The following PTPRD variants were observed in gnomAD, a reference collection of about 807,000 sequenced individuals.
PTPRD encodes receptor-type tyrosine-protein phosphatase delta.
A neutral mutation model predicts 214.5 loss-of-function variants in PTPRD; 34 were observed. The ratio of observed to expected loss-of-function variants is 0.16; its 90% confidence interval spans 0.12 to 0.21. PTPRD has a LOEUF of 0.21. PTPRD is among the 10% of genes least tolerant of loss of function. The pLI is 1.00. For missense variants in PTPRD, 2,545 were observed against 2,398.7 expected, an observed-to-expected ratio of 1.06 and a Z score of -1.27; for synonymous variants, 1,128 against 845.7, an observed-to-expected ratio of 1.33 and a Z score of -5.79.
At chr9:9,508,406 T>G (rs946989320) in intron 8 of PTPRD, among the ~76,000 whole-genome samples, 4 of 151,560 alleles carry the variant, frequency 2.6e-5, no homozygotes, top group African/African-American at 7.3e-5. Context: ...ACATGGCTAT[T>G]TTTTCCATAA....
intron 8 of PTPRD, among the ~76,000 whole-genome samples, chr9:9,574,353 A>G (rs895359028): frequency 1.3e-5 from 2 of 151,970 alleles, no homozygotes; most frequent in African/African-American, 4.8e-5. Context: ...CAATTTTGAT[A>G]CATCTTGACA....
intron 2 of PTPRD, among the ~76,000 whole-genome samples, chr9:10,576,801 A>G (rs2069524988): frequency 6.6e-6 from 1 of 152,206 alleles, no homozygotes; most frequent in African/African-American, 2.4e-5. Flanking sequence ...TTACAAATAT[A>G]AAATAAACAT....
rs1018546337 is a variant in PTPRD, at chr9:9,732,236, C to A, written c.-287+2297G>T. On this transcript the variant is annotated intron_variant, in intron 7 of 45. Coordinates refer to ENST00000381196, the MANE Select transcript of PTPRD (RefSeq NM_002839.4). The stretch of plus-strand genomic sequence containing the variant: ...TTAGCTTTGAGATTTCTGGTATGTA[C>A]TGAAGAAAGATTGCTTTTGGATAAC... Among the ~76,000 whole-genome samples the A allele has an allele frequency of 3.3e-5, 5 of 151,978 alleles. 1 individual carries two copies. In the East Asian group the frequency reaches 9.7e-4, roughly 29 times the overall value.
chr9:9,961,860 C>T (rs1295848266), intron 4 of PTPRD, among the ~76,000 whole-genome samples: 1 of 152,068 alleles, frequency 6.6e-6, no homozygotes, highest in Non-Finnish European at 1.5e-5. Context: ...TCTTATTAGT[C>T]ATGGTATTAT....
chr9:9,683,801 A>T (rs919741940), intron 7 of PTPRD, among the ~76,000 whole-genome samples: 7 of 148,814 alleles, frequency 4.7e-5, no homozygotes, highest in Admixed American at 1.3e-4. Context: ...TTTATACATA[A>T]AAAATCATTT....
At chr9:9,606,457 C>T (rs991586332) in intron 7 of PTPRD, among the ~76,000 whole-genome samples, 16 of 151,954 alleles carry the variant, frequency 1.1e-4, no homozygotes, top group African/African-American at 1.9e-4. Flanking sequence ...TCTTTATCCC[C>T]GTCCATCTCT....
chr9:9,288,144 T>A (rs1056348118), intron 9 of PTPRD, among the ~76,000 whole-genome samples: 2 of 151,896 alleles, frequency 1.3e-5, no homozygotes, highest in Non-Finnish European at 2.9e-5. Flanking sequence ...TTCTATTTAT[T>A]CTGTCCTATA....
At chr9:9,746,531 T>C (rs182738964) in intron 6 of PTPRD, among the ~76,000 whole-genome samples, 3 of 152,314 alleles carry the variant, frequency 2.0e-5, no homozygotes, top group African/African-American at 7.2e-5. Context: ...AAGATCAATA[T>C]AGAATTCTTA....
chr9:9,659,494 T>G (rs1323417869), intron 7 of PTPRD, among the ~76,000 whole-genome samples: 5 of 152,052 alleles, frequency 3.3e-5, no homozygotes, highest in African/African-American at 4.8e-5. Context: ...ATCAATTAAG[T>G]CAGAATCTCT....
chr9:9,574,169 T>C (rs968083167), intron 8 of PTPRD, among the ~76,000 whole-genome samples: 1 of 151,920 alleles, frequency 6.6e-6, no homozygotes, highest in Non-Finnish European at 1.5e-5. Flanking sequence ...ATAATCCAGA[T>C]TCACATTTTT....
chr9:9,114,122 A>G (rs2099809838), intron 10 of PTPRD, among the ~76,000 whole-genome samples: 2 of 152,204 alleles, frequency 1.3e-5, no homozygotes, highest in Non-Finnish European at 1.5e-5. Context: ...CAGAAAAACT[A>G]TCATTTAAAG....
chr9:8,855,250 G>C (rs1302029600), intron 11 of PTPRD, among the ~76,000 whole-genome samples: 2 of 151,662 alleles, frequency 1.3e-5, no homozygotes, highest in African/African-American at 2.4e-5. Flanking sequence ...GCAGATGAGG[G>C]GATTCCAATT....
chr9:9,577,251 A>G (rs2089185267), intron 7 of PTPRD, among the ~76,000 whole-genome samples: 1 of 152,172 alleles, frequency 6.6e-6, no homozygotes, highest in Non-Finnish European at 1.5e-5. Context: ...AGCTTGACTC[A>G]GGCAAATATA....
At chr9:8,591,989 T>C (rs1375180113) in intron 14 of PTPRD, among the ~76,000 whole-genome samples, 1 of 152,190 alleles carries the variant, frequency 6.6e-6, no homozygotes, top group African/African-American at 2.4e-5. Context: ...TTTTACAGAA[T>C]TAATTCCAGT....
intron 10 of PTPRD, among the ~76,000 whole-genome samples, chr9:9,071,229 T>G (rs1386705051): frequency 6.6e-6 from 1 of 152,320 alleles, no homozygotes; most frequent in Non-Finnish European, 1.5e-5. Flanking sequence ...ACTTTTATAT[T>G]CATTCCCTGT....
At chr9:9,690,548 C>T (rs1310186311) in intron 7 of PTPRD, among the ~76,000 whole-genome samples, 1 of 151,814 alleles carries the variant, frequency 6.6e-6, no homozygotes, top group East Asian at 1.9e-4. Flanking sequence ...AATCATTGCC[C>T]AGAGCAATAT....
intron 3 of PTPRD, among the ~76,000 whole-genome samples, chr9:10,167,075 A>G (rs1212396537): frequency 3.3e-5 from 5 of 151,972 alleles, no homozygotes; most frequent in African/African-American, 7.2e-5. Context: ...AAAATACAGA[A>G]TTTATCTACT....
At chr9:8,959,167 T>G (rs892828862) in intron 11 of PTPRD, among the ~76,000 whole-genome samples, 1 of 152,012 alleles carries the variant, frequency 6.6e-6, no homozygotes, top group Non-Finnish European at 1.5e-5. Flanking sequence ...TTATCAAATA[T>G]TCATTGAGCA....
chr9:8,826,672 T>C (rs956409891), intron 11 of PTPRD, among the ~76,000 whole-genome samples: 3 of 150,372 alleles, frequency 2.0e-5, no homozygotes, highest in Non-Finnish European at 4.4e-5. Flanking sequence ...CAATTTGCAA[T>C]TGTGTATTCA....
Sources: allele counts gnomAD v4.1 joint callset (sites outside exome capture counted in the v4.1 genomes callset), GRCh38; gene constraint gnomAD v4.1.1; transcripts MANE v1.5; gene names NCBI Gene and HGNC (gene_info 2026-07-23, HGNC 2026-07-21).